Variants in TPH2 observed in about 807,000 individuals in gnomAD.
TPH2 encodes tryptophan 5-hydroxylase 2.
Under a neutral mutation model 59.1 loss-of-function variants are expected in TPH2, and 27 were observed. The ratio of observed to expected loss-of-function variants is 0.46; its 90% CI spans 0.34 to 0.63. The LOEUF is 0.63. Ranked by LOEUF, TPH2 falls within the 30% of genes least tolerant of loss-of-function variation. The pLI, the probability that TPH2 is intolerant of heterozygous loss-of-function variation, is 0.01. For missense variants in TPH2, 523 were observed against 588.3 expected (o/e 0.89, Z 1.15); for synonymous variants, 220 against 210.5 (o/e 1.05, Z -0.39).
chr12:71,976,909 G>A (rs932630576), intron 6 of TPH2, among the ~76,000 whole-genome samples: 4 of 152,238 alleles, frequency 2.6e-5, no homozygotes, highest in Admixed American at 1.3e-4. Flanking sequence ...TATCTCATAT[G>A]TGGAATTTGG....
chr12:71,998,476 T>C (rs1166860399), intron 8 of TPH2, among the ~76,000 whole-genome samples: 2 of 151,834 alleles, frequency 1.3e-5, no homozygotes, highest in African/African-American at 2.4e-5. Flanking sequence ...ACAAAGTGAA[T>C]AGAAAATTGC....
Position 72,031,776 on chromosome 12 carries a change from C to T in TPH2, c.*81C>T. 6.5e-7 allele frequency: 1 copy of T among 1,535,544 alleles called. No individual in the cohort carries two copies. Among genetic ancestry groups the T allele is most frequent in the Non-Finnish European group, 9.0e-7 (1 of 1,111,638 alleles). ...GTCAATGTCATATAACGCAAATAAC[C>T]TTCTGTGTCATGGCTTGGCTAATAA... On this transcript the variant is annotated 3_prime_UTR_variant, in exon 11 of 11. Coordinates refer to ENST00000333850, the MANE Select transcript of TPH2 (RefSeq NM_173353.4).
intron 8 of TPH2, among the ~76,000 whole-genome samples, chr12:72,016,454 A>T (rs1166663759): frequency 1.3e-5 from 2 of 152,176 alleles, no homozygotes; most frequent in African/African-American, 2.4e-5. Context: ...ACTGTGTACA[A>T]GATAAAGATA....
At chr12:71,984,645 A>T (rs1453650437) in intron 7 of TPH2, among the ~76,000 whole-genome samples, 1 of 152,154 alleles carries the variant, frequency 6.6e-6, no homozygotes, top group East Asian at 1.9e-4. Context: ...GTTCTTTCCC[A>T]TGGGACATGT....
At chr12:71,985,732 C>A (rs898596646) in intron 7 of TPH2, among the ~76,000 whole-genome samples, 3 of 151,994 alleles carry the variant, frequency 2.0e-5, no homozygotes, top group African/African-American at 4.8e-5. Flanking sequence ...ATTTGGTGAC[C>A]CTGATTTGCT....
chr12:71,939,183 A>C, intron 1 of TPH2, 92 bp downstream of exon 1: 1 of 929,720 alleles, frequency 1.1e-6, no homozygotes, highest in Non-Finnish European at 1.7e-6. Flanking sequence ...TAGTGTAAGC[A>C]CGCACACCTC....
At chr12:71,958,312 C>T (rs1455311113) in intron 5 of TPH2, among the ~76,000 whole-genome samples, 2 of 152,176 alleles carry the variant, frequency 1.3e-5, no homozygotes, top group Non-Finnish European at 2.9e-5. Flanking sequence ...TAAATGTCTG[C>T]TCAAAAGTCC....
rs1566111852 is a variant in TPH2 at position 71,944,496 on chromosome 12, TGTC to T, written c.439+21_439+23del. On this transcript the variant is annotated intron_variant, in intron 3 of 10. Transcript: ENST00000333850. ...GAAGAAGGCAAGGGTGGTCTTAGCT[TGTC>T]GGGTAACTTTGCAATCTGACAAATA... 3.7e-6 allele frequency: 6 copies of T among 1,613,872 alleles called. No individual in the cohort carries two copies. The highest frequency in any genetic ancestry group is 5.1e-6 in the Non-Finnish European group (6 of 1,179,830).
chr12:71,950,664 T>C (rs1592862162), intron 5 of TPH2, among the ~76,000 whole-genome samples: 1 of 152,288 alleles, frequency 6.6e-6, no homozygotes, highest in South Asian at 2.1e-4. Context: ...AAACTTGTCA[T>C]CAGAACAAAA....
chr12:72,031,040 C>T (rs1873707233), intron 9 of TPH2, among the ~76,000 whole-genome samples: 1 of 152,058 alleles, frequency 6.6e-6, no homozygotes, highest in Non-Finnish European at 1.5e-5. Flanking sequence ...TCCCACAGTA[C>T]CTAGCATACT....
At chr12:71,986,442 C>A (rs141192779) in intron 7 of TPH2, among the ~76,000 whole-genome samples, 1 of 152,002 alleles carries the variant, frequency 6.6e-6, no homozygotes, top group African/African-American at 2.4e-5. Context: ...TCTTATAGAG[C>A]CTTTTGTCTA....
intron 5 of TPH2, chr12:71,961,679 T>G: frequency 3.0e-6 from 4 of 1,351,190 alleles, no homozygotes; most frequent in Non-Finnish European, 2.9e-6. Context: ...GATCCATTGT[T>G]GTTGCTGTTG....
chr12:71,977,853 A>T (rs2139207622), intron 6 of TPH2, among the ~76,000 whole-genome samples: 1 of 152,368 alleles, frequency 6.6e-6, no homozygotes, highest in Non-Finnish European at 1.5e-5. Flanking sequence ...AAAGAACAGA[A>T]CATAAAGCAG....
chr12:71,971,978 T>C (rs1266383740), intron 5 of TPH2, among the ~76,000 whole-genome samples: 5 of 152,198 alleles, frequency 3.3e-5, no homozygotes, highest in African/African-American at 1.2e-4. Context: ...ATGCTCCTTA[T>C]TTTTTGGTTT....
chr12:71,978,833 G>A, intron 6 of TPH2, 119 bp from the exon 7 acceptor site: 1 of 1,293,790 alleles, frequency 7.7e-7, no homozygotes. Context: ...GTTGTCAAGA[G>A]GTTTATGACC....
chr12:71,960,119 T>C (rs17110507), intron 5 of TPH2, among the ~76,000 whole-genome samples: 2,500 of 152,280 alleles, frequency 0.016, 69 homozygotes, highest in African/African-American at 0.058. Flanking sequence ...TTCTCTGAAA[T>C]GAAGCGGTAA....
At chr12:72,017,303 CA>C (rs1287215579) in intron 8 of TPH2, among the ~76,000 whole-genome samples, 1 of 152,182 alleles carries the variant, frequency 6.6e-6, no homozygotes, top group African/African-American at 2.4e-5. Flanking sequence ...ACACTCACTG[CA>C]GCTCGGGTCG....
intron 7 of TPH2, among the ~76,000 whole-genome samples, chr12:71,991,982 A>T (rs998399881): frequency 3.3e-5 from 5 of 151,966 alleles, no homozygotes; most frequent in African/African-American, 1.2e-4. Flanking sequence ...GTGAGAGTTT[A>T]AAAAAAATGC....
At chr12:71,946,863 C>A (rs1305990306) in intron 4 of TPH2, among the ~76,000 whole-genome samples, 2 of 152,096 alleles carry the variant, frequency 1.3e-5, no homozygotes, top group Non-Finnish European at 2.9e-5. Flanking sequence ...CCTTCGAGAT[C>A]ATTTTTAAAT....
Sources: allele counts gnomAD v4.1 joint callset (sites outside exome capture counted in the v4.1 genomes callset), GRCh38; gene constraint gnomAD v4.1.1; transcripts MANE v1.5; gene names NCBI Gene and HGNC (gene_info 2026-07-23, HGNC 2026-07-21).